Variants in ARHGAP15 observed in about 807,000 individuals in gnomAD.
ARHGAP15 encodes Rho GTPase activating protein 15, also known as rho GTPase-activating protein 15.
A neutral mutation model predicts 63.7 loss-of-function variants in ARHGAP15; 51 were observed. The ratio of observed to expected loss-of-function variants is 0.80; its 90% CI spans 0.64 to 1.01. The LOEUF (loss-of-function observed/expected upper bound fraction) is 1.01. Ranked by LOEUF, ARHGAP15 falls within the 50% of genes least tolerant of loss-of-function variation. ARHGAP15 has a pLI of 0.00. For synonymous variants in ARHGAP15, 191 were observed against 193.8 expected, an observed-to-expected ratio of 0.99 and a Z score of 0.12; for missense variants, 560 against 564.6, an observed-to-expected ratio of 0.99 and a Z score of 0.08.
chr2:143,734,182 C>T (rs1412256348), intron 13 of ARHGAP15, among the ~76,000 whole-genome samples: 1 of 152,124 alleles, frequency 6.6e-6, no homozygotes, highest in Non-Finnish European at 1.5e-5. Context: ...TAGCCAGGGG[C>T]AGCAGCAAAG....
intron 11 of ARHGAP15, among the ~76,000 whole-genome samples, chr2:143,560,796 C>CT (rs2105096184): frequency 6.6e-6 from 1 of 152,344 alleles, no homozygotes; most frequent in African/African-American, 2.4e-5. Context: ...CAAGAAACTA[C>CT]TTTAACACGC....
chr2:143,527,968 G>C (rs1694353034), intron 10 of ARHGAP15, among the ~76,000 whole-genome samples: 1 of 152,034 alleles, frequency 6.6e-6, no homozygotes, highest in Non-Finnish European at 1.5e-5. Flanking sequence ...TTTCTGATAA[G>C]AGTATATCAT....
chr2:143,148,088 C>T (rs1379511228), intron 1 of ARHGAP15, among the ~76,000 whole-genome samples: 1 of 151,954 alleles, frequency 6.6e-6, no homozygotes. Flanking sequence ...CATAGCTTTC[C>T]CACTTAGCCA....
chr2:143,132,412 T>C (rs978381760), intron 1 of ARHGAP15, among the ~76,000 whole-genome samples: 1 of 152,232 alleles, frequency 6.6e-6, no homozygotes, highest in African/African-American at 2.4e-5. Context: ...TTCACTATGC[T>C]GTAAGCAGTC....
At chr2:143,165,949 A>AGAGAGAAG in intron 2 of ARHGAP15, among the ~76,000 whole-genome samples, 1 of 122,282 alleles carries the variant, frequency 8.2e-6, no homozygotes, top group Non-Finnish European at 1.8e-5. Flanking sequence ...AAAAGAAGAA[A>AGAGAGAAG]GAAAGAAAGA....
At chr2:143,254,867 TAAA>T (rs10547943) in intron 6 of ARHGAP15, among the ~76,000 whole-genome samples, 30,446 of 148,818 alleles carry the variant, frequency 0.2, 3,234 homozygotes, top group South Asian at 0.35. Flanking sequence ...TCACTCCTAT[TAAA>T]AAAAAAAAAG....
intron 12 of ARHGAP15, among the ~76,000 whole-genome samples, chr2:143,630,119 A>T (rs569256623): frequency 6.6e-6 from 1 of 152,238 alleles, no homozygotes; most frequent in Admixed American, 6.5e-5. Flanking sequence ...AATTAAATTA[A>T]TGGTCAGAAA....
intron 6 of ARHGAP15, among the ~76,000 whole-genome samples, chr2:143,356,915 C>T (rs1039048095): frequency 2.6e-5 from 4 of 152,172 alleles, no homozygotes; most frequent in African/African-American, 9.7e-5. Flanking sequence ...CCCTGACACG[C>T]CATCCGTCAA....
At chr2:143,388,768 T>G (rs1007753508) in intron 6 of ARHGAP15, among the ~76,000 whole-genome samples, 1 of 152,186 alleles carries the variant, frequency 6.6e-6, no homozygotes, top group African/African-American at 2.4e-5. Context: ...TCCATTAATT[T>G]GTAATTTAAT....
rs373295017 is a variant in ARHGAP15 at position 143,315,956 on chromosome 2, C to T, written c.474+65356C>T. The stretch of plus-strand genomic sequence containing the variant: ...AAAAAATTAGCTGGGCGTGGTGGTG[C>T]GTGCCTGTATTCCCAGCTGCTCAGA... On this transcript the variant is annotated intron_variant, in intron 6 of 13. Coordinates refer to ENST00000295095, the MANE Select transcript of ARHGAP15 (RefSeq NM_018460.4). 4.6e-5 allele frequency among the ~76,000 whole-genome samples: 7 copies of T among 151,792 alleles called. No homozygotes were observed. The South Asian group carries it at 1.2e-3, about 27-fold the overall frequency.
At chr2:143,397,539 T>C (rs1687821633) in intron 6 of ARHGAP15, among the ~76,000 whole-genome samples, 1 of 150,736 alleles carries the variant, frequency 6.6e-6, no homozygotes, top group Non-Finnish European at 1.5e-5. Flanking sequence ...TGGAAACAAT[T>C]AATATGTTAA....
intron 6 of ARHGAP15, among the ~76,000 whole-genome samples, chr2:143,274,863 C>G (rs971727801): frequency 6.6e-6 from 1 of 152,164 alleles, no homozygotes; most frequent in East Asian, 1.9e-4. Flanking sequence ...GTAAAATTCC[C>G]GAATCAAACT....
At chr2:143,474,661 C>T (rs1399030628) in intron 8 of ARHGAP15, among the ~76,000 whole-genome samples, 1 of 152,202 alleles carries the variant, frequency 6.6e-6, no homozygotes, top group Non-Finnish European at 1.5e-5. Context: ...TTATTTCTTA[C>T]TACGTGGCCT....
chr2:143,250,157 GTTAC>G (rs1428418360), intron 5 of ARHGAP15, among the ~76,000 whole-genome samples: 1 of 151,828 alleles, frequency 6.6e-6, no homozygotes, highest in Non-Finnish European at 1.5e-5. Context: ...ATGCTTTTAT[GTTAC>G]TTTAGACATT....
chr2:143,155,081 T>C (rs767495421), intron 1 of ARHGAP15, among the ~76,000 whole-genome samples: 12 of 151,898 alleles, frequency 7.9e-5, no homozygotes, highest in Admixed American at 4.6e-4. Context: ...GTGCTGATGG[T>C]AGCATGTAGG....
intron 2 of ARHGAP15, among the ~76,000 whole-genome samples, chr2:143,159,531 G>T (rs1690209820): frequency 6.6e-6 from 1 of 151,888 alleles, no homozygotes; most frequent in Non-Finnish European, 1.5e-5. Flanking sequence ...ACATTGAATT[G>T]ATAAGACTTG....
intron 8 of ARHGAP15, among the ~76,000 whole-genome samples, chr2:143,470,152 T>C (rs1691447674): frequency 3.1e-4 from 1 of 3,198 alleles, no homozygotes; most frequent in African/African-American, 3.7e-4. Context: ...TAAGTATCCT[T>C]AAAAAAAATT....
chr2:143,241,476 ATAGAG>A (rs1693858916), intron 5 of ARHGAP15, among the ~76,000 whole-genome samples: 1 of 152,186 alleles, frequency 6.6e-6, no homozygotes, highest in African/African-American at 2.4e-5. Context: ...ACATGAAGCA[ATAGAG>A]TATAGTGGTT....
chr2:143,753,479 C>T (rs190799695), intron 13 of ARHGAP15, among the ~76,000 whole-genome samples: 24 of 152,284 alleles, frequency 1.6e-4, no homozygotes, highest in South Asian at 8.3e-4. Flanking sequence ...CACAGTTCTA[C>T]GTACCGGACG....
Sources: allele counts gnomAD v4.1 joint callset (sites outside exome capture counted in the v4.1 genomes callset), GRCh38; gene constraint gnomAD v4.1.1; transcripts MANE v1.5; gene names NCBI Gene and HGNC (gene_info 2026-07-23, HGNC 2026-07-21).